The following FRMD4A variants were observed in gnomAD, a reference collection of about 807,000 sequenced individuals.
FRMD4A encodes the protein FERM domain containing 4A.
In FRMD4A, 29 loss-of-function variants were observed where a neutral mutation model predicts 129.1. The ratio of observed to expected loss-of-function variants is 0.22; its 90% CI spans 0.17 to 0.31. The LOEUF is 0.31. FRMD4A is among the 10% of genes least tolerant of loss of function. The pLI, the probability that FRMD4A is intolerant of heterozygous loss-of-function variation, is 1.00. For synonymous variants in FRMD4A, 634 were observed against 571.6 expected (o/e 1.11, Z -1.56); for missense variants, 1,272 against 1,375.8 (o/e 0.92, Z 1.19).
At chr10:14,188,364 C>T (rs1842212550) in intron 2 of FRMD4A, among the ~76,000 whole-genome samples, 1 of 152,126 alleles carries the variant, frequency 6.6e-6, no homozygotes, top group Non-Finnish European at 1.5e-5. Context: ...ATAGCACTCC[C>T]TATTGAAAAT....
chr10:13,812,825 C>T (rs2093472348), intron 3 of FRMD4A, among the ~76,000 whole-genome samples: 1 of 152,218 alleles, frequency 6.6e-6, no homozygotes, highest in Non-Finnish European at 1.5e-5. Context: ...GTCTATACTT[C>T]CATTCATACT....
At position 13,990,089 on chromosome 10, in the gene FRMD4A, C is replaced by T. The variant is rs76892393; in HGVS notation, c.46-131177G>A. ...GATCTGCCACTGCTGGCTGCGTAACCCTGGACAAATGACTTAATCTCTCTC... is the reference window on the plus strand; with the variant it reads ...GATCTGCCACTGCTGGCTGCGTAACTCTGGACAAATGACTTAATCTCTCTC... On this transcript the variant is annotated intron_variant, in intron 2 of 24. Transcript: ENST00000357447. Among the ~76,000 whole-genome samples the T allele has an allele frequency of 8.9e-3, 1,350 of 152,234 alleles. 32 individuals carry two copies. The highest frequency in any genetic ancestry group is 0.031 in the African/African-American group (1,294 of 41,530).
At chr10:13,750,109 G>GAAAGAAAGGAAGAAAGAAAGA (rs59377985) in intron 8 of FRMD4A, among the ~76,000 whole-genome samples, 1 of 73,578 alleles carries the variant, frequency 1.4e-5, no homozygotes, top group Non-Finnish European at 2.6e-5. Context: ...AGAAAGAAAT[G>GAAAGAAAGGAAGAAAGAAAGA]AAGAAAGAAA....
chr10:13,958,603 T>TC (rs200965238), intron 2 of FRMD4A, among the ~76,000 whole-genome samples: 2,320 of 147,718 alleles, frequency 0.016, 73 homozygotes, highest in African/African-American at 0.055. Context: ...TTTCTTTCTT[T>TC]TTTTTTTTCC....
intron 2 of FRMD4A, among the ~76,000 whole-genome samples, chr10:14,189,535 T>G (rs1241900757): frequency 6.6e-6 from 1 of 151,892 alleles, no homozygotes; most frequent in East Asian, 1.9e-4. Context: ...GATTGCACCA[T>G]TGCACTCCAG....
At chr10:14,242,950 G>A (rs1667451835) in intron 2 of FRMD4A, among the ~76,000 whole-genome samples, 1 of 152,202 alleles carries the variant, frequency 6.6e-6, no homozygotes, top group African/African-American at 2.4e-5. Context: ...GCTCATGGAA[G>A]CATTATTTAT....
At chr10:13,869,884 T>C (rs1216408492) in intron 2 of FRMD4A, among the ~76,000 whole-genome samples, 1 of 152,202 alleles carries the variant, frequency 6.6e-6, no homozygotes, top group African/African-American at 2.4e-5. Flanking sequence ...ACAACACAAC[T>C]GCAGGTTTTA....
chr10:14,141,594 C>T (rs1839838987), intron 2 of FRMD4A, among the ~76,000 whole-genome samples: 1 of 152,096 alleles, frequency 6.6e-6, no homozygotes, highest in Non-Finnish European at 1.5e-5. Context: ...CCTGCCATAC[C>T]CCCTTCACCT....
chr10:13,938,440 G>A (rs2095265663), intron 2 of FRMD4A, among the ~76,000 whole-genome samples: 1 of 151,892 alleles, frequency 6.6e-6, no homozygotes, highest in African/African-American at 2.4e-5. Context: ...ATGGGGTTTC[G>A]CCATGTTGCC....
Position 13,691,682 on chromosome 10 carries a change from G to A in FRMD4A, c.1117+2216C>T, listed in dbSNP as rs145573154. Among the ~76,000 whole-genome samples the A allele has an allele frequency of 7.2e-5, 11 of 152,276 alleles. No individual in the cohort carries two copies. The South Asian group carries it at 1.0e-3, about 14-fold the overall frequency. ...CCTCCAAGTGGTTTCGATGCACGCCGAAGTTTGAGAACCACTGAGCTTCAA... is the reference window on the plus strand; with the variant it reads ...CCTCCAAGTGGTTTCGATGCACGCCAAAGTTTGAGAACCACTGAGCTTCAA... On this transcript the variant is annotated intron_variant, in intron 15 of 24. Transcript: ENST00000357447.
chr10:14,077,298 A>C (rs1277779142), intron 2 of FRMD4A, among the ~76,000 whole-genome samples: 1 of 152,182 alleles, frequency 6.6e-6, no homozygotes, highest in African/African-American at 2.4e-5. Flanking sequence ...TCTGGGAAGT[A>C]AGATTTGGAC....
intron 2 of FRMD4A, among the ~76,000 whole-genome samples, chr10:13,917,885 C>T (rs1449078501): frequency 6.6e-6 from 1 of 152,192 alleles, no homozygotes; most frequent in Non-Finnish European, 1.5e-5. Flanking sequence ...AGTTTTGTTG[C>T]TGATAGCACG....
intron 2 of FRMD4A, among the ~76,000 whole-genome samples, chr10:13,898,192 G>T (rs2131184074): frequency 6.6e-6 from 1 of 152,162 alleles, no homozygotes; most frequent in East Asian, 1.9e-4. Context: ...GGATAACATA[G>T]TGAAAGCCAG....
chr10:14,066,771 C>T (rs1026587611), intron 2 of FRMD4A, among the ~76,000 whole-genome samples: 7 of 151,630 alleles, frequency 4.6e-5, no homozygotes, highest in Non-Finnish European at 7.4e-5. Context: ...TAAAAATCTG[C>T]AAAGCAAAAC....
chr10:13,841,027 G>A (rs1269155019), intron 3 of FRMD4A, among the ~76,000 whole-genome samples: 1 of 152,102 alleles, frequency 6.6e-6, no homozygotes, highest in African/African-American at 2.4e-5. Context: ...AGGATGGCTT[G>A]AGCCCAGGAG....
At position 14,183,708 on chromosome 10, in the gene FRMD4A, G is replaced by T. The variant is rs979644530; in HGVS notation, c.45+146350C>A. On this transcript the variant is annotated intron_variant, in intron 2 of 24. Transcript: ENST00000357447. ...TTTTGCAAATTGAATCTTAACCATG[G>T]TATCTAAATATGTTCATTAAAAGCA... Among the ~76,000 whole-genome samples, 5 of 151,934 alleles carry T rather than the reference G, an allele frequency of 3.3e-5. No homozygotes were observed. In the East Asian group the frequency reaches 9.6e-4, roughly 29 times the overall value.
At chr10:14,191,199 G>A (rs1842306597) in intron 2 of FRMD4A, among the ~76,000 whole-genome samples, 1 of 152,176 alleles carries the variant, frequency 6.6e-6, no homozygotes, top group Admixed American at 6.5e-5. Context: ...TCTTATGTGT[G>A]TTATCCTCTA....
intron 8 of FRMD4A, among the ~76,000 whole-genome samples, chr10:13,755,137 G>A (rs1373763521): frequency 6.6e-6 from 1 of 152,128 alleles, no homozygotes; most frequent in South Asian, 2.1e-4. Flanking sequence ...GATCGCAATC[G>A]ATATAAACGT....
intron 16 of FRMD4A, 72 bp from the exon 17 acceptor site, chr10:13,670,600 C>A: frequency 1.3e-6 from 2 of 1,525,742 alleles, no homozygotes; most frequent in Non-Finnish European, 1.8e-6. Context: ...AGAACACACA[C>A]ACACGCACAT....
Sources: allele counts gnomAD v4.1 joint callset (sites outside exome capture counted in the v4.1 genomes callset), GRCh38; gene constraint gnomAD v4.1.1; transcripts MANE v1.5; gene names NCBI Gene and HGNC (gene_info 2026-07-23, HGNC 2026-07-21).